The following FRMD4B variants were observed in gnomAD, a reference collection of about 807,000 sequenced individuals.
The protein encoded by FRMD4B is FERM domain-containing protein 4B.
In FRMD4B, 74 loss-of-function variants were observed where a neutral mutation model predicts 141.5. The observed-to-expected ratio is 0.52, with a 90% CI of 0.43 to 0.63. The LOEUF (loss-of-function observed/expected upper bound fraction) is 0.63, where lower values mean the gene tolerates loss of function less well. Among genes scored for constraint, FRMD4B ranks in the 30% least tolerant of loss-of-function variants. The pLI, the probability that FRMD4B is intolerant of heterozygous loss-of-function variation, is 0.00. For synonymous variants in FRMD4B, 506 were observed against 467.9 expected (o/e 1.08, Z -1.05); for missense variants, 1,366 against 1,253.4 (o/e 1.09, Z -1.36).
intron 1 of FRMD4B, among the ~76,000 whole-genome samples, chr3:69,470,604 T>C (rs1050159791): frequency 1.3e-5 from 2 of 152,134 alleles, no homozygotes; most frequent in African/African-American, 4.8e-5. Flanking sequence ...GCTGGTAAGC[T>C]CCAATTGGTG....
chr3:69,480,106 G>A lies in FRMD4B; in HGVS notation c.-128-47345C>T, dbSNP rs181078605. Among the ~76,000 whole-genome samples the A allele has an allele frequency of 6.7e-3, 1,022 of 152,054 alleles. 25 individuals are homozygous for A. The East Asian group carries it at 0.096, about 14-fold the overall frequency. On this transcript the variant is annotated intron_variant, in intron 1 of 5. Transcript: ENST00000459638. ...TATTGGTTATTCTAGTTATACATTCGTCTAAATTTTTTTCAAAGTTTTTAA... is the reference window on the plus strand; with the variant it reads ...TATTGGTTATTCTAGTTATACATTCATCTAAATTTTTTTCAAAGTTTTTAA...
intron 4 of FRMD4B, among the ~76,000 whole-genome samples, chr3:69,289,860 T>C (rs1455074854): frequency 6.6e-6 from 1 of 152,052 alleles, no homozygotes; most frequent in Admixed American, 6.6e-5. Flanking sequence ...CTGATCAATG[T>C]TATTTCTGTA....
intron 7 of FRMD4B, among the ~76,000 whole-genome samples, chr3:69,245,334 TGTGTGTGTG>T: frequency 6.7e-6 from 1 of 149,708 alleles, no homozygotes; most frequent in African/African-American, 2.5e-5. Context: ...TGTGTGTGTG[TGTGTGTGTG>T]TGTGTGTGTG....
intron 2 of FRMD4B, among the ~76,000 whole-genome samples, chr3:69,427,101 A>G (rs996134367): frequency 6.6e-6 from 1 of 152,048 alleles, no homozygotes; most frequent in Admixed American, 6.6e-5. Context: ...TAGTCAGAAT[A>G]TAAAAGGAGG....
intron 1 of FRMD4B, among the ~76,000 whole-genome samples, chr3:69,523,533 G>A (rs1305355063): frequency 6.6e-6 from 1 of 152,058 alleles, no homozygotes; most frequent in Non-Finnish European, 1.5e-5. Flanking sequence ...CTGAAGCTCC[G>A]GTCATGGTAT....
chr3:69,381,901 G>T (rs901794625), intron 1 of FRMD4B, among the ~76,000 whole-genome samples: 7 of 152,152 alleles, frequency 4.6e-5, no homozygotes, highest in South Asian at 4.1e-4. Flanking sequence ...CTCAATCCTA[G>T]GTTCAGAAAT....
Position 69,432,462 on chromosome 3 carries a change from T to C in FRMD4B, c.-1+172A>G, listed in dbSNP as rs573345054. Among the ~76,000 whole-genome samples the C allele has an allele frequency of 1.0e-3, 156 of 152,288 alleles. 1 individual carries two copies. Among genetic ancestry groups the C allele is most frequent in the African/African-American group, 3.7e-3 (153 of 41,552 alleles). On this transcript the variant is annotated intron_variant, in intron 2 of 5. Coordinates refer to the FRMD4B transcript ENST00000459638. ...TTAATTTATTAATTTTCTTCATCATTTGCTAGTAATGTAAATATTTTGTTA... is the reference window on the plus strand; with the variant it reads ...TTAATTTATTAATTTTCTTCATCATCTGCTAGTAATGTAAATATTTTGTTA...
chr3:69,364,188 G>T (rs1047178948), intron 1 of FRMD4B, among the ~76,000 whole-genome samples: 1 of 152,152 alleles, frequency 6.6e-6, no homozygotes, highest in Admixed American at 6.5e-5. Flanking sequence ...GTTATGTCAC[G>T]CGACTATCTT....
intron 11 of FRMD4B, among the ~76,000 whole-genome samples, chr3:69,215,284 CTTTTTTTTTT>C (rs577275162): frequency 2.2e-4 from 10 of 45,208 alleles, no homozygotes; most frequent in Non-Finnish European, 1.7e-4. Flanking sequence ...TTGTGACCCT[CTTTTTTTTTT>C]TTTTTTTTTT....
intron 11 of FRMD4B, among the ~76,000 whole-genome samples, chr3:69,214,234 C>T (rs1325887147): frequency 6.6e-6 from 1 of 152,130 alleles, no homozygotes; most frequent in East Asian, 1.9e-4. Flanking sequence ...GATTATAGGG[C>T]TGTTTTATAA....
At chr3:69,423,690 G>T (rs1705022857) in intron 2 of FRMD4B, among the ~76,000 whole-genome samples, 1 of 152,136 alleles carries the variant, frequency 6.6e-6, no homozygotes, top group Non-Finnish European at 1.5e-5. Flanking sequence ...CTCATGAACG[G>T]GATTAGTGCC....
chr3:69,513,067 A>T (rs903875621), intron 1 of FRMD4B, among the ~76,000 whole-genome samples: 1 of 152,134 alleles, frequency 6.6e-6, no homozygotes, highest in African/African-American at 2.4e-5. Flanking sequence ...TAAAGATTAG[A>T]GCAGAGATAA....
chr3:69,435,540 G>A (rs971498704), intron 1 of FRMD4B, among the ~76,000 whole-genome samples: 3 of 152,128 alleles, frequency 2.0e-5, no homozygotes, highest in Non-Finnish European at 2.9e-5. Context: ...GGCTGTTAGC[G>A]AGCTACAACT....
At chr3:69,317,748 C>A (rs1248586703) in intron 1 of FRMD4B, among the ~76,000 whole-genome samples, 2 of 83,622 alleles carry the variant, frequency 2.4e-5, no homozygotes, top group Non-Finnish European at 4.1e-5. Context: ...GAGCAAGACA[C>A]CAACTCAAAA....
At chr3:69,378,068 C>T (rs907338693) in intron 1 of FRMD4B, among the ~76,000 whole-genome samples, 27 of 151,784 alleles carry the variant, frequency 1.8e-4, no homozygotes, top group African/African-American at 6.3e-4. Context: ...GATCTGCCCA[C>T]CTTGGCCTCC....
At chr3:69,385,361 G>C (rs1245267785) in intron 1 of FRMD4B, among the ~76,000 whole-genome samples, 2 of 152,076 alleles carry the variant, frequency 1.3e-5, no homozygotes, top group Non-Finnish European at 2.9e-5. Context: ...TTACAAGTTG[G>C]GGCTGCCTGA....
chr3:69,281,626 C>A (rs567487198), intron 5 of FRMD4B, among the ~76,000 whole-genome samples: 1 of 151,822 alleles, frequency 6.6e-6, no homozygotes, highest in Non-Finnish European at 1.5e-5. Flanking sequence ...GAGTTCGAGA[C>A]CAGCCTGACC....
At chr3:69,515,914 T>A (rs7614969) in intron 1 of FRMD4B, among the ~76,000 whole-genome samples, 1 of 151,950 alleles carries the variant, frequency 6.6e-6, no homozygotes, top group Non-Finnish European at 1.5e-5. Flanking sequence ...GCATCTTTGG[T>A]TAAGCAGAAT....
At chr3:69,500,819 G>C (rs1396068246) in intron 1 of FRMD4B, among the ~76,000 whole-genome samples, 1 of 152,158 alleles carries the variant, frequency 6.6e-6, no homozygotes, top group South Asian at 2.1e-4. Context: ...ACAGGGGAGG[G>C]AGGAAGTAGA....
Sources: gnomAD v4.1 joint callset for allele counts (sites outside exome capture counted in the v4.1 genomes callset) on GRCh38, gnomAD v4.1.1 for gene constraint, MANE v1.5 for transcripts, NCBI Gene and HGNC (gene_info 2026-07-23, HGNC 2026-07-21) for gene names.